The following TNS3 variants were observed in gnomAD, a reference collection of about 807,000 sequenced individuals.
The protein encoded by TNS3 is tensin 3.
In TNS3, 45 loss-of-function variants were observed where a neutral mutation model predicts 140.9. The ratio of observed to expected loss-of-function variants is 0.32; its 90% CI spans 0.25 to 0.41. The LOEUF (loss-of-function observed/expected upper bound fraction) is 0.41. Among genes scored for constraint, TNS3 ranks in the 10% least tolerant of loss-of-function variants. The probability of loss-of-function intolerance (pLI) is 1.00; values close to 1 mark genes in which losing one functional copy is unlikely to be tolerated. For missense variants in TNS3, 1,716 were observed against 1,906.7 expected, an observed-to-expected ratio of 0.90 and a Z score of 1.86; for synonymous variants, 815 against 788.4, an observed-to-expected ratio of 1.03 and a Z score of -0.56.
intron 6 of TNS3, among the ~76,000 whole-genome samples, chr7:47,437,595 CAAATA>C (rs1339626895): frequency 6.6e-6 from 1 of 151,012 alleles, no homozygotes; most frequent in Non-Finnish European, 1.5e-5. Context: ...GAATAAAAAA[CAAATA>C]AAATAAATAA....
intron 4 of TNS3, among the ~76,000 whole-genome samples, chr7:47,456,057 A>G (rs1796232564): frequency 6.6e-6 from 1 of 152,242 alleles, no homozygotes; most frequent in South Asian, 2.1e-4. Context: ...AAGTTTCTGC[A>G]TAGGGGAGTG....
intron 1 of TNS3, among the ~76,000 whole-genome samples, chr7:47,560,522 A>T (rs912423501): frequency 1.3e-5 from 2 of 151,910 alleles, no homozygotes; most frequent in Non-Finnish European, 2.9e-5. Context: ...CTAACTTCTC[A>T]CCCGGTGGCA....
chr7:47,456,277 A>C (rs34441719), intron 4 of TNS3, among the ~76,000 whole-genome samples: 29,795 of 152,010 alleles, frequency 0.2, 3,080 homozygotes, highest in Non-Finnish European at 0.23. Context: ...ATCAGGTCGG[A>C]GGTTGAAATC....
intron 16 of TNS3, among the ~76,000 whole-genome samples, chr7:47,375,257 T>A (rs144688807): frequency 7.5e-4 from 114 of 152,248 alleles, no homozygotes; most frequent in African/African-American, 2.5e-3. Flanking sequence ...TCCCATTCGG[T>A]GTCCCCTTTC....
chr7:47,278,308 A>T, intron 30 of TNS3, 88 bp from the exon 31 acceptor site: 1 of 1,461,778 alleles, frequency 6.8e-7, no homozygotes, highest in Non-Finnish European at 9.1e-7. Flanking sequence ...CACTGTCAGG[A>T]GGAATTTTAA....
At chr7:47,536,983 G>A (rs576071001) in intron 1 of TNS3, among the ~76,000 whole-genome samples, 11 of 152,130 alleles carry the variant, frequency 7.2e-5, no homozygotes, top group South Asian at 6.2e-4. Context: ...GAAGGCGCCC[G>A]TGCCTCGCGC....
At chr7:47,349,926 C>A (rs1245328221) in intron 17 of TNS3, among the ~76,000 whole-genome samples, 1 of 152,232 alleles carries the variant, frequency 6.6e-6, no homozygotes, top group East Asian at 1.9e-4. Flanking sequence ...ATTAAGGCGG[C>A]CTGCTACGTC....
chr7:47,565,497 G>A (rs1323543572), intron 1 of TNS3, among the ~76,000 whole-genome samples: 1 of 151,946 alleles, frequency 6.6e-6, no homozygotes, highest in Non-Finnish European at 1.5e-5. Context: ...TTCCCGAGTA[G>A]CTGGAACTAC....
intron 16 of TNS3, among the ~76,000 whole-genome samples, chr7:47,375,743 C>G (rs572434555): frequency 6.6e-6 from 1 of 152,354 alleles, no homozygotes; most frequent in African/African-American, 2.4e-5. Flanking sequence ...TGCTAACAAT[C>G]AGATAGCCAA....
At chr7:47,389,083 AGAGGAAGAGGAAGAG>A (rs1792313218) in intron 16 of TNS3, among the ~76,000 whole-genome samples, 3 of 71,588 alleles carry the variant, frequency 4.2e-5, no homozygotes, top group East Asian at 6.0e-4. Context: ...AAGAAGAAGA[AGAGGAAGAGGAAGAG>A]GAAGCGGAAG....
At chr7:47,424,264 T>C (rs1434637444) in intron 9 of TNS3, 80 bp from the exon 10 acceptor site, 12 of 1,457,502 alleles carry the variant, frequency 8.2e-6, no homozygotes, top group Non-Finnish European at 1.0e-5. Flanking sequence ...ATGTGTCTCA[T>C]GGCTGTTCAA....
At chr7:47,427,813 C>G (rs1376362304) in intron 9 of TNS3, among the ~76,000 whole-genome samples, 1 of 152,206 alleles carries the variant, frequency 6.6e-6, no homozygotes, top group Non-Finnish European at 1.5e-5. Context: ...CTCATCCATG[C>G]AATGGGAATG....
chr7:47,297,501 C>T (rs182574532), intron 23 of TNS3, among the ~76,000 whole-genome samples: 46 of 152,290 alleles, frequency 3.0e-4, no homozygotes, highest in African/African-American at 1.0e-3. Flanking sequence ...GTGCCGGGCA[C>T]TGTCCTGTGG....
chr7:47,303,372 G>T lies in TNS3; in HGVS notation c.3035C>A (p.Ala1012Glu). 6.2e-7 allele frequency: 1 copy of T among 1,613,612 alleles called. No individual in the cohort carries two copies. Among genetic ancestry groups the T allele is most frequent in the South Asian group, 1.1e-5 (1 of 91,046 alleles). The change falls in exon 22 of 31, where the codon GCG becomes GAG. Residue 1012 changes from alanine (A) to glutamate (E), a missense_variant. Physicochemically the swap from Ala to Glu is moderately radical, Grantham distance 107. This residue lies in a region of TNS3 where 1,163 missense variants were observed against 1,182.1 expected (regional missense o/e 0.98). Transcript: ENST00000311160. ...CAGGAAGGCCTGGCTGCTGGGAGGC[G>T]CCAGGGAGTCCGGTGGCTCTGCTAG... ...LSLAEPPDSLAPPSSQAFLGF... is the reference protein window; with the variant it reads ...LSLAEPPDSLEPPSSQAFLGF...
chr7:47,415,421 C>A (rs561120998), intron 10 of TNS3, among the ~76,000 whole-genome samples: 4 of 152,344 alleles, frequency 2.6e-5, no homozygotes, highest in African/African-American at 9.6e-5. Context: ...CACCAAGGCA[C>A]AACCGGCCTC....
At chr7:47,488,612 TA>T (rs1018398543) in intron 3 of TNS3, among the ~76,000 whole-genome samples, 1 of 152,250 alleles carries the variant, frequency 6.6e-6, no homozygotes, top group African/African-American at 2.4e-5. Context: ...ATTACCTCTT[TA>T]AAGACCTTAT....
At chr7:47,480,878 C>CCGCAAAGG (rs1797389900) in intron 4 of TNS3, among the ~76,000 whole-genome samples, 1 of 152,232 alleles carries the variant, frequency 6.6e-6, no homozygotes, top group South Asian at 2.1e-4. Flanking sequence ...AAGGCAGCTC[C>CCGCAAAGG]CGCAAAGGCG....
At chr7:47,353,616 A>G (rs946488954) in intron 17 of TNS3, among the ~76,000 whole-genome samples, 1 of 152,024 alleles carries the variant, frequency 6.6e-6, no homozygotes, top group Admixed American at 6.5e-5. Flanking sequence ...ATTCCTGAGC[A>G]CTCCCCGAGG....
chr7:47,448,839 C>CA (rs1795878837), intron 4 of TNS3, among the ~76,000 whole-genome samples: 1 of 152,108 alleles, frequency 6.6e-6, no homozygotes, highest in African/African-American at 2.4e-5. Flanking sequence ...CAACAGTTTC[C>CA]AAAACCTCAC....
Sources: gnomAD v4.1 joint callset for allele counts (sites outside exome capture counted in the v4.1 genomes callset) on GRCh38, gnomAD v4.1.1 for gene constraint, gnomAD v4.1.1 regional missense constraint, MANE v1.5 for transcripts, NCBI Gene and HGNC (gene_info 2026-07-23, HGNC 2026-07-21) for gene names.